The following HDAC8 variants were observed in gnomAD, a reference collection of about 807,000 sequenced individuals.
The protein encoded by HDAC8 is histone deacetylase 8, also known as histone deacetylase-like 1.
HDAC8 carries 1 observed loss-of-function variant against 32.2 expected under a neutral mutation model. That is an observed-to-expected ratio of 0.03 (90% CI 0.01 to 0.15). The LOEUF is 0.15. HDAC8 is among the 10% of genes least tolerant of loss of function. The pLI is 1.00. For synonymous variants in HDAC8, 108 were observed against 113.9 expected (o/e 0.95, Z 0.33); for missense variants, 117 against 300.0 (o/e 0.39, Z 4.51).
At chrX:72,522,718 A>G (rs1235414438) in intron 4 of HDAC8, among the ~76,000 whole-genome samples, 3 of 112,485 alleles carry the variant, frequency 2.7e-5, no homozygotes, top group South Asian at 3.6e-4. Flanking sequence ...CTGGTTTACC[A>G]ACACAGTACT....
chrX:72,464,685 A>G lies in HDAC8; in HGVS notation c.784T>C (p.Leu262=). The change falls in exon 8 of 11, where the codon TTA becomes CTA. Residue 262 remains leucine, a synonymous_variant. Coordinates refer to ENST00000373573, the MANE Select transcript of HDAC8 (RefSeq NM_018486.3). The stretch of plus-strand genomic sequence containing the variant: ...GCTATTGTGTCAGCTCCCAGCTGTA[A>G]GACCACTGCTTTGGGATTAAAGGCT... ...YQAFNPKAVV[L]QLGADTIAGD... 1 of 1,207,459 alleles carries G rather than the reference A, an allele frequency of 8.3e-7. No homozygotes were observed. The highest frequency in any genetic ancestry group is 1.8e-5 in the South Asian group (1 of 56,910).
At chrX:72,350,588 C>T (rs1314083208) in intron 10 of HDAC8, among the ~76,000 whole-genome samples, 5 of 112,082 alleles carry the variant, frequency 4.5e-5, no homozygotes, top group African/African-American at 6.5e-5. Context: ...CAAAAAGATA[C>T]CCTTGGCCTC....
intron 9 of HDAC8, among the ~76,000 whole-genome samples, chrX:72,390,175 G>A (rs1355056198): frequency 9.0e-6 from 1 of 111,357 alleles, no homozygotes; most frequent in Non-Finnish European, 1.9e-5. Flanking sequence ...TTTGTGTTAT[G>A]AACATTCCAG....
intron 10 of HDAC8, among the ~76,000 whole-genome samples, chrX:72,348,126 G>T (rs2044078926): frequency 8.9e-6 from 1 of 112,052 alleles, no homozygotes; most frequent in Non-Finnish European, 1.9e-5. Context: ...GATGTGGCAA[G>T]AAAGAGAAAA....
intron 10 of HDAC8, 45 bp downstream of exon 10, chrX:72,351,688 A>G (rs370177443): frequency 1.6e-5 from 16 of 979,102 alleles, no homozygotes; most frequent in Non-Finnish European, 2.2e-5. Context: ...GGCCACCACA[A>G]ACTGGGTGGA....
At chrX:72,566,536 T>C (rs2051797121) in intron 4 of HDAC8, among the ~76,000 whole-genome samples, 1 of 112,138 alleles carries the variant, frequency 8.9e-6, no homozygotes, top group African/African-American at 3.2e-5. Context: ...ATTCTGTTAT[T>C]ATCTTAACCT....
At chrX:72,387,101 A>G (rs1236842748) in intron 9 of HDAC8, among the ~76,000 whole-genome samples, 2 of 112,502 alleles carry the variant, frequency 1.8e-5, no homozygotes, top group African/African-American at 6.5e-5. Context: ...GGCAGAGCAC[A>G]ATGAGCTAGG....
intron 9 of HDAC8, among the ~76,000 whole-genome samples, chrX:72,451,237 C>T (rs781783855): frequency 9.2e-6 from 1 of 109,280 alleles, no homozygotes; most frequent in Non-Finnish European, 1.9e-5. Context: ...TGCATTGTTG[C>T]CCAGGCTGGA....
intron 6 of HDAC8, among the ~76,000 whole-genome samples, chrX:72,490,598 T>A (rs1440651178): frequency 1.4e-5 from 1 of 69,303 alleles, no homozygotes; most frequent in African/African-American, 5.9e-5. Context: ...CTCTGGGGAC[T>A]GTTGCGGGGT....
At chrX:72,499,379 G>A (rs1384783899) in intron 4 of HDAC8, among the ~76,000 whole-genome samples, 1 of 110,898 alleles carries the variant, frequency 9.0e-6, no homozygotes, top group Non-Finnish European at 1.9e-5. Context: ...CCACATAATT[G>A]GACATAAAGC....
chrX:72,445,263 C>T (rs1216641631), intron 9 of HDAC8, among the ~76,000 whole-genome samples: 35 of 108,741 alleles, frequency 3.2e-4, no homozygotes, highest in Non-Finnish European at 5.4e-4. Flanking sequence ...GGAGGCATCA[C>T]GCTACCTGAC....
intron 4 of HDAC8, among the ~76,000 whole-genome samples, chrX:72,520,362 T>C (rs1453890911): frequency 2.7e-5 from 3 of 112,361 alleles, no homozygotes; most frequent in African/African-American, 3.2e-5. Context: ...TCATCATACA[T>C]TTCATAGGCT....
intron 4 of HDAC8, among the ~76,000 whole-genome samples, chrX:72,559,121 A>G (rs1272122672): frequency 4.6e-5 from 4 of 87,019 alleles, no homozygotes; most frequent in Non-Finnish European, 8.9e-5. Context: ...TCTGATGCCG[A>G]GCCGAAGCTG....
In HDAC8 at chrX:72,423,973, G is replaced by A. The variant is rs149868142; in HGVS notation, c.1005+38031C>T. Among the ~76,000 whole-genome samples, 236 of 111,735 alleles carry A rather than the reference G, an allele frequency of 2.1e-3. 1 individual carries two copies. Among genetic ancestry groups the A allele is most frequent in the African/African-American group, 7.4e-3 (227 of 30,775 alleles). Reference sequence around the variant, plus strand: ...GTGTCCCATGTCTTTCTCTTTCCTGGCTTATTATCTTCATTCTGGTGGACA... The same window carrying A: ...GTGTCCCATGTCTTTCTCTTTCCTGACTTATTATCTTCATTCTGGTGGACA... On this transcript the variant is annotated intron_variant, in intron 9 of 10. Coordinates refer to ENST00000373573, the MANE Select transcript of HDAC8 (RefSeq NM_018486.3).
At chrX:72,490,903 G>A in intron 6 of HDAC8, 26 bp downstream of exon 6, 7 of 1,058,084 alleles carry the variant, frequency 6.6e-6, no homozygotes, top group Non-Finnish European at 9.3e-6. Context: ...GTCATCAAAT[G>A]TAATACTGAG....
chrX:72,512,712 C>A (rs2049630464), intron 4 of HDAC8, among the ~76,000 whole-genome samples: 1 of 111,451 alleles, frequency 9.0e-6, no homozygotes, highest in Admixed American at 9.6e-5. Context: ...CCGTACTCCT[C>A]CTGCTGTCTG....
At chrX:72,345,805 C>G (rs2044011496) in intron 10 of HDAC8, among the ~76,000 whole-genome samples, 1 of 110,991 alleles carries the variant, frequency 9.0e-6, no homozygotes, top group Non-Finnish European at 1.9e-5. Flanking sequence ...CCTCAGCTTC[C>G]AATGTAGCTG....
At chrX:72,423,714 T>C (rs1555974459) in intron 9 of HDAC8, among the ~76,000 whole-genome samples, 1 of 112,464 alleles carries the variant, frequency 8.9e-6, no homozygotes, top group Non-Finnish European at 1.9e-5. Context: ...TTCTATGTAC[T>C]TATCACTAAC....
At chrX:72,523,113 G>A (rs985271981) in intron 4 of HDAC8, among the ~76,000 whole-genome samples, 2 of 111,919 alleles carry the variant, frequency 1.8e-5, no homozygotes, top group Admixed American at 1.9e-4. Flanking sequence ...TCTCTTTGGG[G>A]TAAATTCCCA....
Sources: gnomAD v4.1 joint callset for allele counts (sites outside exome capture counted in the v4.1 genomes callset) on GRCh38, gnomAD v4.1.1 for gene constraint, MANE v1.5 for transcripts, NCBI Gene and HGNC (gene_info 2026-07-23, HGNC 2026-07-21) for gene names.